The following PLPPR1 variants were observed in gnomAD, a reference collection of about 807,000 sequenced individuals.
PLPPR1 encodes the protein phospholipid phosphatase related 1, also known as phospholipid phosphatase-related protein type 1.
PLPPR1 carries 10 observed loss-of-function variants against 33.1 expected under a neutral mutation model. The ratio of observed to expected loss-of-function variants is 0.30; its 90% CI spans 0.19 to 0.51. The LOEUF (loss-of-function observed/expected upper bound fraction) is 0.51, where lower values mean the gene tolerates loss of function less well. Ranked by LOEUF, PLPPR1 falls within the 20% of genes least tolerant of loss-of-function variation. The probability of loss-of-function intolerance (pLI) is 0.97; values close to 1 mark genes in which losing one functional copy is unlikely to be tolerated. For missense variants in PLPPR1, 304 were observed against 408.1 expected (o/e 0.74, Z 2.20); for synonymous variants, 151 against 151.0 (o/e 1.00, Z 0.00).
At chr9:101,065,242 A>C (rs770908444) in intron 1 of PLPPR1, among the ~76,000 whole-genome samples, 5 of 152,074 alleles carry the variant, frequency 3.3e-5, no homozygotes, top group African/African-American at 7.2e-5. Flanking sequence ...CATGCACAGA[A>C]CGCTCTTTAA....
intron 2 of PLPPR1, among the ~76,000 whole-genome samples, chr9:101,251,718 A>G (rs192101696): frequency 1.4e-4 from 21 of 151,908 alleles, no homozygotes; most frequent in Non-Finnish European, 2.6e-4. Flanking sequence ...TCTCATGTTC[A>G]TCAAGACTTT....
At chr9:101,107,936 T>G (rs1372893870) in intron 1 of PLPPR1, among the ~76,000 whole-genome samples, 1 of 151,080 alleles carries the variant, frequency 6.6e-6, no homozygotes, top group African/African-American at 2.5e-5. Flanking sequence ...CACCCCTTTC[T>G]TTGACTCGGA....
At chr9:101,161,370 C>A (rs1427117737) in intron 1 of PLPPR1, among the ~76,000 whole-genome samples, 4 of 152,132 alleles carry the variant, frequency 2.6e-5, no homozygotes, top group Non-Finnish European at 5.9e-5. Context: ...ATAAGCACAA[C>A]TGTTCACTGA....
At chr9:101,240,079 G>A (rs1827431310) in intron 2 of PLPPR1, among the ~76,000 whole-genome samples, 1 of 151,984 alleles carries the variant, frequency 6.6e-6, no homozygotes, top group Non-Finnish European at 1.5e-5. Flanking sequence ...TAAATGATGA[G>A]AAATAGGGGT....
chr9:101,108,334 C>T (rs7037253), intron 1 of PLPPR1, among the ~76,000 whole-genome samples: 57,140 of 152,102 alleles, frequency 0.38, 11,028 homozygotes, highest in Non-Finnish European at 0.43. Context: ...AAGCATCTTG[C>T]AAGGCTTATT....
chr9:101,076,247 T>C (rs1830535154), intron 1 of PLPPR1, among the ~76,000 whole-genome samples: 2 of 152,124 alleles, frequency 1.3e-5, no homozygotes, highest in Non-Finnish European at 2.9e-5. Context: ...TTGGATCTGC[T>C]GATCTAGAGC....
intron 2 of PLPPR1, among the ~76,000 whole-genome samples, chr9:101,216,647 G>A (rs1000849798): frequency 1.3e-5 from 2 of 152,114 alleles, no homozygotes; most frequent in African/African-American, 4.8e-5. Context: ...TGCCCTTAAT[G>A]GCACTTAAGG....
rs773071707 is a variant in PLPPR1, at chr9:101,185,467, G to A, written c.-28G>A. 4.8e-6 allele frequency: 7 copies of A among 1,467,902 alleles called. No individual in the cohort carries two copies. Among genetic ancestry groups the A allele is most frequent in the Middle Eastern group, 1.7e-4 (1 of 5,762 alleles). The allele number at this position is 1,467,902 out of a possible 1,614,324, so 90.9% of individuals were successfully genotyped here. A position where few individuals can be genotyped will look rare whatever the true frequency, so the allele number is the denominator to read the frequency against. On this transcript the variant is annotated 5_prime_UTR_variant, in exon 2 of 8. Coordinates refer to ENST00000374874, the MANE Select transcript of PLPPR1 (RefSeq NM_207299.2). ...TATTTCAGCCTGGACAGTTTTTGAC[G>A]GTGCAGTCTTGCTATATGGTGTGAG...
intron 1 of PLPPR1, among the ~76,000 whole-genome samples, chr9:101,158,572 T>C (rs909599897): frequency 1.3e-4 from 20 of 152,166 alleles, no homozygotes; most frequent in Admixed American, 3.9e-4. Flanking sequence ...AAGTCAGCTA[T>C]CATCATGAGT....
At chr9:101,265,542 T>C (rs1459365845) in intron 2 of PLPPR1, among the ~76,000 whole-genome samples, 1 of 152,140 alleles carries the variant, frequency 6.6e-6, no homozygotes, top group Non-Finnish European at 1.5e-5. Context: ...ACATAGACAG[T>C]GATAAATCAT....
At chr9:101,108,669 C>A (rs1365178296) in intron 1 of PLPPR1, among the ~76,000 whole-genome samples, 2 of 152,156 alleles carry the variant, frequency 1.3e-5, no homozygotes, top group African/African-American at 4.8e-5. Context: ...TAATTCAGTT[C>A]CTTTTATCCT....
At chr9:101,281,165 C>T (rs1406046679) in intron 3 of PLPPR1, among the ~76,000 whole-genome samples, 3 of 150,434 alleles carry the variant, frequency 2.0e-5, no homozygotes, top group South Asian at 2.1e-4. Context: ...AAAATAATCC[C>T]ATTTACAATA....
At chr9:101,161,520 G>A (rs2118671885) in intron 1 of PLPPR1, among the ~76,000 whole-genome samples, 1 of 152,186 alleles carries the variant, frequency 6.6e-6, no homozygotes, top group South Asian at 2.1e-4. Flanking sequence ...TTTAGGGCAA[G>A]TTATGGACCT....
intron 1 of PLPPR1, among the ~76,000 whole-genome samples, chr9:101,140,151 C>T (rs73495986): frequency 0.018 from 2,706 of 152,310 alleles, 74 homozygotes; most frequent in African/African-American, 0.062. Context: ...TCCCTCTCTA[C>T]TCCCCACTTT....
chr9:101,162,861 G>A lies in PLPPR1; in HGVS notation c.-45-22589G>A, dbSNP rs544340615. Among the ~76,000 whole-genome samples the A allele has an allele frequency of 3.3e-5, 5 of 152,176 alleles. No homozygotes were observed. In the East Asian group the frequency reaches 9.7e-4, roughly 29 times the overall value. On this transcript the variant is annotated intron_variant, in intron 1 of 7. Coordinates refer to ENST00000374874, the MANE Select transcript of PLPPR1 (RefSeq NM_207299.2). ...GGCAGAACCTACAAGTGCTTTTTAG[G>A]TTTTTCTTGCTGATTGGTTCATCAT...
intron 1 of PLPPR1, among the ~76,000 whole-genome samples, chr9:101,078,201 GGA>G (rs1830572504): frequency 1.6e-5 from 1 of 62,602 alleles, no homozygotes; most frequent in East Asian, 7.1e-4. Flanking sequence ...GGGGGGAGGG[GGA>G]GGGGGAGGGG....
At chr9:101,031,727 A>G (rs1470576150) in intron 1 of PLPPR1, among the ~76,000 whole-genome samples, 2 of 152,178 alleles carry the variant, frequency 1.3e-5, no homozygotes, top group African/African-American at 4.8e-5. Context: ...GGAGGATTTG[A>G]GCAGGTGATC....
At chr9:101,253,277 G>A (rs1827743294) in intron 2 of PLPPR1, among the ~76,000 whole-genome samples, 1 of 151,910 alleles carries the variant, frequency 6.6e-6, no homozygotes, top group South Asian at 2.1e-4. Flanking sequence ...GCCAGGCATG[G>A]TGGTTCATGC....
intron 6 of PLPPR1, among the ~76,000 whole-genome samples, chr9:101,313,325 T>TG (rs1564035510): frequency 6.6e-6 from 1 of 152,100 alleles, no homozygotes; most frequent in Non-Finnish European, 1.5e-5. Flanking sequence ...CTCAGCATAT[T>TG]GGGGGCAAAA....
Sources: gnomAD v4.1 joint callset for allele counts (sites outside exome capture counted in the v4.1 genomes callset) on GRCh38, gnomAD v4.1.1 for gene constraint, MANE v1.5 for transcripts, NCBI Gene and HGNC (gene_info 2026-07-23, HGNC 2026-07-21) for gene names.